ATRNL1: variants seen among roughly 807,000 people sequenced by gnomAD.
ATRNL1 encodes the protein attractin-like protein 1.
A neutral mutation model predicts 182.7 loss-of-function variants in ATRNL1; 95 were observed. The ratio of observed to expected loss-of-function variants is 0.52; its 90% CI spans 0.44 to 0.62. The LOEUF (loss-of-function observed/expected upper bound fraction) is 0.62, where lower values mean the gene tolerates loss of function less well. ATRNL1 is among the 20% of genes least tolerant of loss of function. ATRNL1 has a pLI of 0.00. For missense variants in ATRNL1, 1,471 were observed against 1,679.5 expected (o/e 0.88, Z 2.17); for synonymous variants, 576 against 568.3 (o/e 1.01, Z -0.19).
At position 115,880,057 on chromosome 10, in the gene ATRNL1, G is replaced by A. The variant is rs899635535; in HGVS notation, c.4018+32066G>A. On this transcript the variant is annotated intron_variant, in intron 28 of 28. Coordinates refer to ENST00000355044, the MANE Select transcript of ATRNL1 (RefSeq NM_207303.4). ...AAGGCAAAAACAGCTTCAGACAGGA[G>A]AAAGCAGCTTATATTGCTGGACTAG... Among the ~76,000 whole-genome samples, 11 of 152,230 alleles carry A rather than the reference G, an allele frequency of 7.2e-5. No individual in the cohort carries two copies. In the East Asian group the frequency reaches 2.1e-3, roughly 29 times the overall value.
At chr10:115,664,535 A>G (rs1182942930) in intron 26 of ATRNL1, among the ~76,000 whole-genome samples, 1 of 152,150 alleles carries the variant, frequency 6.6e-6, no homozygotes, top group Non-Finnish European at 1.5e-5. Flanking sequence ...ACGGTGTATA[A>G]ATAAGCATAC....
intron 22 of ATRNL1, among the ~76,000 whole-genome samples, chr10:115,465,260 A>G (rs532264522): frequency 6.5e-4 from 99 of 151,780 alleles, no homozygotes; most frequent in African/African-American, 2.3e-3. Flanking sequence ...TATTATGATG[A>G]CATAAATCAA....
At chr10:115,618,205 A>C (rs1555021472) in intron 26 of ATRNL1, among the ~76,000 whole-genome samples, 1 of 152,138 alleles carries the variant, frequency 6.6e-6, no homozygotes, top group East Asian at 1.9e-4. Context: ...CGATATGATA[A>C]TGGACTAATA....
At chr10:115,525,180 T>C (rs1358285909) in intron 25 of ATRNL1, among the ~76,000 whole-genome samples, 2 of 152,146 alleles carry the variant, frequency 1.3e-5, no homozygotes, top group Non-Finnish European at 2.9e-5. Flanking sequence ...GTTCCTTCAT[T>C]CTTACTTAAA....
intron 26 of ATRNL1, among the ~76,000 whole-genome samples, chr10:115,684,806 G>A (rs1227238478): frequency 1.3e-5 from 2 of 151,606 alleles, no homozygotes; most frequent in Non-Finnish European, 3.0e-5. Context: ...TGCACATATA[G>A]TGTAATATCT....
intron 18 of ATRNL1, among the ~76,000 whole-genome samples, chr10:115,319,920 TTGATCC>T (rs1854499691): frequency 6.6e-6 from 1 of 152,144 alleles, no homozygotes; most frequent in African/African-American, 2.4e-5. Context: ...ATGTGTGAAT[TTGATCC>T]TGTCATCATG....
chr10:115,533,554 C>G (rs1251858062), intron 25 of ATRNL1, among the ~76,000 whole-genome samples: 1 of 152,138 alleles, frequency 6.6e-6, no homozygotes, highest in Non-Finnish European at 1.5e-5. Context: ...AAAAAACCAG[C>G]TCCTGGATTC....
At chr10:115,689,198 C>T (rs1019670301) in intron 26 of ATRNL1, among the ~76,000 whole-genome samples, 1 of 152,048 alleles carries the variant, frequency 6.6e-6, no homozygotes, top group Non-Finnish European at 1.5e-5. Flanking sequence ...CCTTGTTTAC[C>T]ATAACCTTAT....
chr10:115,309,286 G>A (rs1853896211), intron 17 of ATRNL1, among the ~76,000 whole-genome samples: 1 of 151,942 alleles, frequency 6.6e-6, no homozygotes, highest in Admixed American at 6.6e-5. Context: ...TGAATTTTAG[G>A]ATTATTTTTT....
chr10:115,752,874 A>G (rs1948486183), intron 27 of ATRNL1, among the ~76,000 whole-genome samples: 1 of 152,064 alleles, frequency 6.6e-6, no homozygotes, highest in Non-Finnish European at 1.5e-5. Flanking sequence ...TACCAATGAA[A>G]TTCCATAGAA....
Position 115,944,383 on chromosome 10 carries a change from C to G in ATRNL1, c.4019-275C>G, listed in dbSNP as rs530675830. On this transcript the variant is annotated intron_variant, in intron 28 of 28. Coordinates refer to ENST00000355044, the MANE Select transcript of ATRNL1 (RefSeq NM_207303.4). ...AGAGGAAGGTTTAGGGTCATATGCA[C>G]AACTAAATGTGATCATTTGTCAAAC... is the stretch of plus-strand genomic sequence containing the variant. Among the ~76,000 whole-genome samples, 13 of 151,592 alleles carry G rather than the reference C, an allele frequency of 8.6e-5. 1 individual carries two copies. In the East Asian group the frequency reaches 2.5e-3, roughly 29 times the overall value.
In ATRNL1 at chr10:115,241,664, T is replaced by C. The variant is rs782405642; in HGVS notation, c.1626T>C (p.Asn542=). 1.2e-6 allele frequency: 2 copies of C among 1,611,588 alleles called. No individual in the cohort carries two copies. Among genetic ancestry groups the C allele is most frequent in the South Asian group, 1.1e-5 (1 of 90,874 alleles). ...TTATTTTTGGAGGAAATACCCATAA[T>C]GACACTTCCTTGAGTAACGGTGCAA... ...AMLIFGGNTH[N]DTSLSNGAKC... is the part of the protein sequence containing the mutation. Residue 542 remains asparagine, a synonymous_variant, in exon 10 of 29, where the codon AAT becomes AAC. Transcript: ENST00000355044.
chr10:115,558,282 C>G (rs1853445801), intron 26 of ATRNL1, among the ~76,000 whole-genome samples: 1 of 152,082 alleles, frequency 6.6e-6, no homozygotes, highest in South Asian at 2.1e-4. Context: ...AAGCACTCCA[C>G]AGAGTGGGAG....
At chr10:115,620,150 A>C (rs1824172942) in intron 26 of ATRNL1, among the ~76,000 whole-genome samples, 1 of 152,330 alleles carries the variant, frequency 6.6e-6, no homozygotes, top group African/African-American at 2.4e-5. Context: ...GCTTACAATC[A>C]TGGAAGAAGA....
At chr10:115,363,414 A>G (rs1856851601) in intron 19 of ATRNL1, among the ~76,000 whole-genome samples, 1 of 146,088 alleles carries the variant, frequency 6.8e-6, no homozygotes, top group Non-Finnish European at 1.5e-5. Context: ...GATTCTGGAT[A>G]TTAGCCCTTT....
intron 25 of ATRNL1, among the ~76,000 whole-genome samples, chr10:115,534,221 A>T (rs1305723921): frequency 6.6e-6 from 1 of 150,824 alleles, no homozygotes. Flanking sequence ...GTCTCCCATT[A>T]TTATTGTGTG....
At chr10:115,923,254 A>G (rs1328799761) in intron 28 of ATRNL1, among the ~76,000 whole-genome samples, 1 of 152,172 alleles carries the variant, frequency 6.6e-6, no homozygotes, top group Non-Finnish European at 1.5e-5. Flanking sequence ...GTATATATGT[A>G]TGTAGTAGAT....
chr10:115,117,991 G>A (rs976948026), intron 1 of ATRNL1, among the ~76,000 whole-genome samples: 1 of 152,010 alleles, frequency 6.6e-6, no homozygotes, highest in African/African-American at 2.4e-5. Context: ...TTTGAAATTT[G>A]TATGTCTTCT....
chr10:115,869,424 T>C (rs1414476564), intron 28 of ATRNL1, among the ~76,000 whole-genome samples: 1 of 152,146 alleles, frequency 6.6e-6, no homozygotes, highest in Non-Finnish European at 1.5e-5. Flanking sequence ...CAGTCAGATA[T>C]TTGTCTACAT....
Sources: gnomAD v4.1 joint callset for allele counts (sites outside exome capture counted in the v4.1 genomes callset) on GRCh38, gnomAD v4.1.1 for gene constraint, MANE v1.5 for transcripts, NCBI Gene and HGNC (gene_info 2026-07-23, HGNC 2026-07-21) for gene names.